Variants in NR3C2 observed in about 807,000 individuals in gnomAD.
The protein encoded by NR3C2 is mineralocorticoid receptor.
NR3C2 carries 15 observed loss-of-function variants against 86.4 expected under a neutral mutation model. The ratio of observed to expected loss-of-function variants is 0.17; its 90% CI spans 0.12 to 0.27. The LOEUF (loss-of-function observed/expected upper bound fraction) is 0.27, where lower values mean the gene tolerates loss of function less well. NR3C2 is among the 10% of genes least tolerant of loss of function. NR3C2 has a pLI of 1.00. For synonymous variants in NR3C2, 458 were observed against 450.5 expected (o/e 1.02, Z -0.21); for missense variants, 960 against 1,195.6 (o/e 0.80, Z 2.91).
In NR3C2 at chr4:148,363,505, TC is replaced by T. The variant is rs201653015; in HGVS notation, c.1757+71598del. On this transcript the variant is annotated intron_variant, in intron 2 of 8. Coordinates refer to ENST00000358102, the MANE Select transcript of NR3C2 (RefSeq NM_000901.5). ...TTAAAGTCTAGACTTCTCATAGATC[TC>T]TTTTTTTTTTTTTTTGAGACGGAGT... Among the ~76,000 whole-genome samples the T allele has an allele frequency of 1.2e-4, 7 of 58,598 alleles. 3 individuals carry two copies. The highest frequency in any genetic ancestry group is 2.5e-4 in the Non-Finnish European group (7 of 28,154). The allele number at this position is 58,598 out of a possible 152,430, so 38.4% of individuals were successfully genotyped here.
Position 148,296,541 on chromosome 4 carries a change from C to T in NR3C2, c.1758-36424G>A, listed in dbSNP as rs141572759. Among the ~76,000 whole-genome samples the T allele has an allele frequency of 7.8e-4, 119 of 151,650 alleles. 1 individual carries two copies. Among genetic ancestry groups the T allele is most frequent in the African/African-American group, 2.6e-3 (106 of 41,370 alleles). ...TAAGAAAACTGGATTTCTAATGATTCGCTGTCTTTGTAACTTCAATCTGCT... is the reference window on the plus strand; with the variant it reads ...TAAGAAAACTGGATTTCTAATGATTTGCTGTCTTTGTAACTTCAATCTGCT... On this transcript the variant is annotated intron_variant, in intron 2 of 8. Coordinates refer to ENST00000358102, the MANE Select transcript of NR3C2 (RefSeq NM_000901.5).
At chr4:148,443,754 A>T (rs888350681), upstream of NR3C2, among the ~76,000 whole-genome samples, 3 of 151,280 alleles carry the variant, frequency 2.0e-5, no homozygotes, top group African/African-American at 7.3e-5. Flanking sequence ...CTCCCGCCTC[A>T]CCCTCGCTTC....
intron 2 of NR3C2, among the ~76,000 whole-genome samples, chr4:148,288,816 G>C (rs1741656903): frequency 6.6e-6 from 1 of 152,150 alleles, no homozygotes; most frequent in African/African-American, 2.4e-5. Flanking sequence ...CAGAGCAGCT[G>C]TCTCTATTTT....
At chr4:148,120,369 A>G (rs932248877) in intron 6 of NR3C2, 81 bp from the exon 7 acceptor site, 30 of 1,551,236 alleles carry the variant, frequency 1.9e-5, no homozygotes, top group Non-Finnish European at 2.7e-5. Context: ...CAGCTTAATA[A>G]GAGATCTGAG....
intron 6 of NR3C2, among the ~76,000 whole-genome samples, chr4:148,139,448 T>C (rs1733508395): frequency 6.6e-6 from 1 of 152,134 alleles, no homozygotes; most frequent in South Asian, 2.1e-4. Flanking sequence ...AATCTCCCTC[T>C]AAACTGATTA....
At chr4:148,380,474 G>T (rs1305586679) in intron 2 of NR3C2, among the ~76,000 whole-genome samples, 1 of 152,164 alleles carries the variant, frequency 6.6e-6, no homozygotes, top group African/African-American at 2.4e-5. Context: ...TCTTGCAATT[G>T]CTGGGTCACA....
In NR3C2 at chr4:148,270,832, C is replaced by G. The variant is rs1468554512; in HGVS notation, c.1758-10715G>C. 2.0e-5 allele frequency among the ~76,000 whole-genome samples: 3 copies of G among 152,100 alleles called. No individual in the cohort carries two copies. The East Asian group carries it at 5.8e-4, about 29-fold the overall frequency. On this transcript the variant is annotated intron_variant, in intron 2 of 8. Coordinates refer to ENST00000358102, the MANE Select transcript of NR3C2 (RefSeq NM_000901.5). ...ACTGATGAATCATTGCTGTACTATT[C>G]CAAAAACGGTTTCCTATGCTCACTT...
chr4:148,159,709 ATTTTTATAC>A, intron 4 of NR3C2, among the ~76,000 whole-genome samples: 1 of 152,296 alleles, frequency 6.6e-6, no homozygotes, highest in Non-Finnish European at 1.5e-5. Flanking sequence ...AATTTGTACA[ATTTTTATAC>A]TTTAAGATTA....
intron 2 of NR3C2, among the ~76,000 whole-genome samples, chr4:148,325,713 G>A (rs1172020229): frequency 2.0e-5 from 3 of 152,110 alleles, no homozygotes; most frequent in African/African-American, 4.8e-5. Context: ...GTACACAGCC[G>A]GTAGCAAATG....
intron 3 of NR3C2, among the ~76,000 whole-genome samples, chr4:148,195,143 G>A (rs935486081): frequency 4.6e-5 from 7 of 152,124 alleles, no homozygotes; most frequent in African/African-American, 9.7e-5. Flanking sequence ...TAGCTGCATA[G>A]GTTCAGGCAA....
intron 2 of NR3C2, among the ~76,000 whole-genome samples, chr4:148,366,050 T>C (rs549214452): frequency 7.6e-4 from 116 of 152,280 alleles, no homozygotes; most frequent in African/African-American, 2.4e-3. Context: ...ATTCAAACCT[T>C]TTATTTCCTA....
At chr4:148,375,757 G>C (rs1561072008) in intron 2 of NR3C2, among the ~76,000 whole-genome samples, 1 of 152,052 alleles carries the variant, frequency 6.6e-6, no homozygotes, top group Non-Finnish European at 1.5e-5. Flanking sequence ...CTGAAAAGCA[G>C]AACTCCGCAC....
At chr4:148,444,791 G>C (rs1430028989), upstream of NR3C2, 7 of 984,928 alleles carry the variant, frequency 7.1e-6, no homozygotes, top group Non-Finnish European at 8.4e-6. Flanking sequence ...GGCGGCGGCC[G>C]GGCCTCTGGC....
At chr4:148,308,761 G>A (rs376573741) in intron 2 of NR3C2, among the ~76,000 whole-genome samples, 3 of 152,252 alleles carry the variant, frequency 2.0e-5, no homozygotes, top group East Asian at 3.9e-4. Flanking sequence ...CAAGATGGGC[G>A]GCTTGCTCGA....
At chr4:148,303,676 C>T (rs1357955097) in intron 2 of NR3C2, among the ~76,000 whole-genome samples, 1 of 151,994 alleles carries the variant, frequency 6.6e-6, no homozygotes, top group Non-Finnish European at 1.5e-5. Context: ...GGAAAGAAAA[C>T]TGGATCTGAG....
upstream of NR3C2, chr4:148,442,739 G>A: frequency 7.1e-6 from 7 of 985,430 alleles, no homozygotes; most frequent in Non-Finnish European, 8.4e-6. Context: ...CGCAGCCGCG[G>A]CGGGAGCTTG....
intron 6 of NR3C2, among the ~76,000 whole-genome samples, chr4:148,139,267 T>C (rs1733498708): frequency 6.6e-6 from 1 of 152,220 alleles, no homozygotes; most frequent in South Asian, 2.1e-4. Flanking sequence ...GAGCATTGGA[T>C]AGACAGACAC....
chr4:148,179,603 T>C (rs1425129640), intron 4 of NR3C2, among the ~76,000 whole-genome samples: 1 of 151,756 alleles, frequency 6.6e-6, no homozygotes, highest in Non-Finnish European at 1.5e-5. Flanking sequence ...TGTTCTAAGA[T>C]GTCATCATTC....
intron 2 of NR3C2, among the ~76,000 whole-genome samples, chr4:148,412,502 T>G (rs548683275): frequency 6.6e-6 from 1 of 152,190 alleles, no homozygotes; most frequent in East Asian, 1.9e-4. Context: ...AATAATAAAA[T>G]GCAGGCACTG....
Sources: gnomAD v4.1 joint callset for allele counts (sites outside exome capture counted in the v4.1 genomes callset) on GRCh38, gnomAD v4.1.1 for gene constraint, MANE v1.5 for transcripts, NCBI Gene and HGNC (gene_info 2026-07-23, HGNC 2026-07-21) for gene names.